Variants in SH3GL2 observed in about 807,000 individuals in gnomAD.
SH3GL2 encodes endophilin-A1.
Under a neutral mutation model 46.0 loss-of-function variants are expected in SH3GL2, and 24 were observed. That is an observed-to-expected ratio of 0.52 (90% CI 0.38 to 0.73). The LOEUF (loss-of-function observed/expected upper bound fraction) is 0.73. Ranked by LOEUF, SH3GL2 falls within the 30% of genes least tolerant of loss-of-function variation. The pLI is 0.00. For synonymous variants in SH3GL2, 196 were observed against 147.1 expected (o/e 1.33, Z -2.40); for missense variants, 413 against 424.2 (o/e 0.97, Z 0.23).
chr9:17,660,440 G>GA (rs1820184774), intron 1 of SH3GL2, among the ~76,000 whole-genome samples: 1 of 152,186 alleles, frequency 6.6e-6, no homozygotes, highest in Non-Finnish European at 1.5e-5. Context: ...TGAGCCGGTA[G>GA]ACATTTATTG....
At chr9:17,618,790 A>G (rs1009818927) in intron 1 of SH3GL2, among the ~76,000 whole-genome samples, 1 of 95,066 alleles carries the variant, frequency 1.1e-5, no homozygotes, top group Admixed American at 1.3e-4. Flanking sequence ...AATTTGGCTT[A>G]TTTTGTGTGT....
At chr9:17,786,319 C>T in intron 3 of SH3GL2, 62 bp from the exon 4 acceptor site, 1 of 1,508,152 alleles carries the variant, frequency 6.6e-7, no homozygotes, top group East Asian at 2.3e-5. Flanking sequence ...ATCCTCCATC[C>T]AGCCCTATTT....
intron 1 of SH3GL2, among the ~76,000 whole-genome samples, chr9:17,714,265 G>C (rs1215476195): frequency 6.6e-6 from 1 of 151,342 alleles, no homozygotes; most frequent in Admixed American, 6.6e-5. Context: ...GTGTTTGTAG[G>C]TTTGTAGTAA....
chr9:17,601,095 T>C (rs1818660239), intron 1 of SH3GL2, among the ~76,000 whole-genome samples: 2 of 152,188 alleles, frequency 1.3e-5, no homozygotes, highest in Non-Finnish European at 2.9e-5. Context: ...GTGCCTCATG[T>C]GTGGTGGTGT....
chr9:17,623,087 C>T (rs1156583966), intron 1 of SH3GL2, among the ~76,000 whole-genome samples: 4 of 139,750 alleles, frequency 2.9e-5, no homozygotes, highest in Non-Finnish European at 6.1e-5. Context: ...CTTCCCCTTC[C>T]CCTTTCCTAT....
intron 6 of SH3GL2, 167 bp downstream of exon 6, chr9:17,789,717 G>T (rs2131190388): frequency 7.3e-7 from 1 of 1,362,354 alleles, no homozygotes; most frequent in South Asian, 1.7e-5. Flanking sequence ...AGTAGACTGA[G>T]AAATAGAAAA....
At chr9:17,780,100 G>A (rs779165899) in intron 3 of SH3GL2, among the ~76,000 whole-genome samples, 3 of 152,054 alleles carry the variant, frequency 2.0e-5, no homozygotes, top group Non-Finnish European at 2.9e-5. Flanking sequence ...TTATTGATCT[G>A]TAACATACAA....
intron 1 of SH3GL2, among the ~76,000 whole-genome samples, chr9:17,644,528 G>C (rs1398614971): frequency 2.0e-5 from 3 of 151,928 alleles, no homozygotes; most frequent in Non-Finnish European, 4.4e-5. Flanking sequence ...TACACTGTGT[G>C]TTCTTATTGG....
chr9:17,580,546 G>T (rs1029752264), intron 1 of SH3GL2, among the ~76,000 whole-genome samples: 4 of 152,168 alleles, frequency 2.6e-5, no homozygotes, highest in African/African-American at 7.2e-5. Flanking sequence ...AGGAAATCAA[G>T]AAAAGTAAGA....
At chr9:17,685,689 A>G (rs1012522133) in intron 1 of SH3GL2, among the ~76,000 whole-genome samples, 2 of 152,144 alleles carry the variant, frequency 1.3e-5, no homozygotes, top group South Asian at 2.1e-4. Context: ...TCCCAGCACC[A>G]TTTATTAAAC....
At chr9:17,734,171 G>A (rs531889849) in intron 1 of SH3GL2, among the ~76,000 whole-genome samples, 1 of 152,224 alleles carries the variant, frequency 6.6e-6, no homozygotes, top group South Asian at 2.1e-4. Context: ...CATCTGGAAT[G>A]ATGCCATTTA....
At chr9:17,784,208 A>G (rs958790801) in intron 3 of SH3GL2, among the ~76,000 whole-genome samples, 2 of 152,150 alleles carry the variant, frequency 1.3e-5, no homozygotes, top group Admixed American at 6.5e-5. Flanking sequence ...CATATCCAAG[A>G]TACTCTTAGT....
At chr9:17,677,857 C>T (rs1032254825) in intron 1 of SH3GL2, among the ~76,000 whole-genome samples, 2 of 151,746 alleles carry the variant, frequency 1.3e-5, no homozygotes, top group African/African-American at 4.8e-5. Context: ...TCAATTCCCA[C>T]CTTTGAGTGA....
At chr9:17,636,487 G>A (rs1237905891) in intron 1 of SH3GL2, among the ~76,000 whole-genome samples, 1 of 152,082 alleles carries the variant, frequency 6.6e-6, no homozygotes, top group Non-Finnish European at 1.5e-5. Flanking sequence ...CATTCTCCAC[G>A]TTGATCATAG....
At chr9:17,777,295 A>T (rs1416734511) in intron 3 of SH3GL2, among the ~76,000 whole-genome samples, 1 of 152,284 alleles carries the variant, frequency 6.6e-6, no homozygotes, top group Middle Eastern at 3.4e-3. Flanking sequence ...ATATTTATAA[A>T]GATAAAAGCT....
At chr9:17,758,334 AT>A (rs1441150122) in intron 2 of SH3GL2, among the ~76,000 whole-genome samples, 1 of 151,950 alleles carries the variant, frequency 6.6e-6, no homozygotes, top group East Asian at 1.9e-4. Context: ...GCCAAGGCGG[AT>A]GGATCACTTG....
At chr9:17,778,315 C>T (rs1327553482) in intron 3 of SH3GL2, among the ~76,000 whole-genome samples, 5 of 152,200 alleles carry the variant, frequency 3.3e-5, no homozygotes, top group African/African-American at 1.2e-4. Context: ...AGGCAAAGCC[C>T]CTGCCCTCAT....
At chr9:17,656,184 A>G (rs1162630962) in intron 1 of SH3GL2, among the ~76,000 whole-genome samples, 1 of 152,198 alleles carries the variant, frequency 6.6e-6, no homozygotes. Flanking sequence ...ACAATATTGT[A>G]TCATTTATCA....
intron 1 of SH3GL2, among the ~76,000 whole-genome samples, chr9:17,604,592 C>T (rs1363955947): frequency 6.6e-6 from 1 of 152,090 alleles, no homozygotes; most frequent in African/African-American, 2.4e-5. Context: ...CTCCTTGTTA[C>T]CCAGTGCATG....
Sources: gnomAD v4.1 joint callset for allele counts (sites outside exome capture counted in the v4.1 genomes callset) on GRCh38, gnomAD v4.1.1 for gene constraint, MANE v1.5 for transcripts, NCBI Gene and HGNC (gene_info 2026-07-23, HGNC 2026-07-21) for gene names.